ANKRD18A: variants seen among roughly 807,000 people sequenced by gnomAD.
The protein encoded by ANKRD18A is ankyrin repeat domain-containing protein 18A.
ANKRD18A carries 72 observed loss-of-function variants against 110.6 expected under a neutral mutation model. That is an observed-to-expected ratio of 0.65 (90% CI 0.54 to 0.79). ANKRD18A has a LOEUF of 0.79. ANKRD18A is among the 30% of genes least tolerant of loss of function. ANKRD18A has a pLI of 0.00. For missense variants in ANKRD18A, 934 were observed against 1,163.3 expected, an observed-to-expected ratio of 0.80 and a Z score of 2.87; for synonymous variants, 305 against 410.3, an observed-to-expected ratio of 0.74 and a Z score of 3.10.
chr9:38,609,391 G>C (rs1825498519), intron 5 of ANKRD18A, among the ~76,000 whole-genome samples: 1 of 152,082 alleles, frequency 6.6e-6, no homozygotes, highest in African/African-American at 2.4e-5. Context: ...TGAGGCAGGA[G>C]AATAGCGTGA....
In ANKRD18A at chr9:38,620,157, G is replaced by A. The variant is rs1225598833; in HGVS notation, c.129C>T (p.Ile43=). The change falls in exon 1 of 16, where the codon ATC becomes ATT. Residue 43 remains isoleucine, a synonymous_variant. Transcript: ENST00000399703. ...WELRKIHRAA[I]KGDAAEVERC... ...GCTCCACCTCCGCGGCGTCGCCCTT[G>A]ATGGCAGCCCTGTGGATCTTCCGCA... is the stretch of plus-strand genomic sequence containing the variant. 15 of 1,569,072 alleles carry A rather than the reference G, an allele frequency of 9.6e-6. No homozygotes were observed. The Admixed American group carries it at 2.8e-4, about 30-fold the overall frequency.
intron 15 of ANKRD18A, among the ~76,000 whole-genome samples, chr9:38,573,670 G>A (rs1453682953): frequency 2.6e-5 from 4 of 151,818 alleles, no homozygotes; most frequent in African/African-American, 7.3e-5. Flanking sequence ...AGCCGAGATC[G>A]TGCCACGGCA....
In ANKRD18A at chr9:38,615,972, C is replaced by T. The variant is rs1417842103; in HGVS notation, c.279G>A (p.Gln93=). 1.3e-6 allele frequency: 2 copies of T among 1,586,798 alleles called. No individual in the cohort carries two copies. The highest frequency in any genetic ancestry group is 2.7e-5 in the African/African-American group (2 of 74,582). Residue 93 remains glutamine, a synonymous_variant, in exon 2 of 16, where the codon CAG becomes CAA. Coordinates refer to ENST00000399703, the MANE Select transcript of ANKRD18A (RefSeq NM_147195.4). The part of the protein sequence containing the change: ...VVTLLLHRRC[Q]IDICDRLNRT... ...TGTTTAGTCTGTCACAGATGTCGAT[C>T]TGGCATCTTCTGTGCAGCAAGAGAG...
At chr9:38,590,053 GA>G (rs1824571627) in intron 10 of ANKRD18A, among the ~76,000 whole-genome samples, 1 of 152,096 alleles carries the variant, frequency 6.6e-6, no homozygotes, top group Non-Finnish European at 1.5e-5. Flanking sequence ...GATTCTTATG[GA>G]TGTTACTTTG....
At chr9:38,586,665 A>G (rs1824395459) in intron 11 of ANKRD18A, among the ~76,000 whole-genome samples, 1 of 152,110 alleles carries the variant, frequency 6.6e-6, no homozygotes, top group Admixed American at 6.5e-5. Flanking sequence ...CCTGGACTCA[A>G]GTGATTCTCC....
intron 12 of ANKRD18A, among the ~76,000 whole-genome samples, chr9:38,583,610 G>A (rs149043751): frequency 1.2e-4 from 19 of 152,118 alleles, no homozygotes; most frequent in East Asian, 3.9e-4. Flanking sequence ...GGATGCTCTC[G>A]AACTCCTGAC....
At position 38,575,509 on chromosome 9, in the gene ANKRD18A, C is replaced by CTG; in HGVS notation, c.2929_2930dup (p.Gln977HisfsTer11). ...AGAAGTTCTTGCAGTTATTTGAAGT[C>CTG]TGTGGGTTTGAAGTAGGAATTCTTA... is the stretch of plus-strand genomic sequence containing the variant. On this transcript the variant is annotated frameshift_variant, in exon 15 of 16. Transcript: ENST00000399703. LOFTEE classifies it high-confidence loss of function. 6.4e-7 allele frequency: 1 copy of CTG among 1,551,534 alleles called. No individual in the cohort carries two copies. Among genetic ancestry groups the CTG allele is most frequent in the Non-Finnish European group, 8.7e-7 (1 of 1,146,810 alleles).
intron 6 of ANKRD18A, among the ~76,000 whole-genome samples, chr9:38,605,276 G>A (rs1218447225): frequency 6.6e-6 from 1 of 152,142 alleles, no homozygotes; most frequent in African/African-American, 2.4e-5. Flanking sequence ...TATTATTTAA[G>A]TGGACAAGTA....
chr9:38,610,797 CAAAT>C (rs1377443884), intron 4 of ANKRD18A, among the ~76,000 whole-genome samples: 4 of 151,450 alleles, frequency 2.6e-5, no homozygotes, highest in African/African-American at 7.3e-5. Flanking sequence ...AGCTAGGGAT[CAAAT>C]AAATAAGAGC....
downstream of ANKRD18A, among the ~76,000 whole-genome samples, chr9:38,570,059 G>A (rs1479594755): frequency 1.3e-5 from 2 of 152,198 alleles, no homozygotes; most frequent in African/African-American, 2.4e-5. Flanking sequence ...GTCACACATC[G>A]GCTAACTGGC....
chr9:38,573,126 C>A, intron 15 of ANKRD18A: 1 of 1,324,662 alleles, frequency 7.5e-7, no homozygotes. Context: ...CGGTCCAGCT[C>A]CATCTAAAAT....
chr9:38,592,515 A>T (rs1159918334), intron 10 of ANKRD18A, among the ~76,000 whole-genome samples: 1 of 152,198 alleles, frequency 6.6e-6, no homozygotes, highest in Admixed American at 6.5e-5. Flanking sequence ...AGGAACTGAG[A>T]AGGCAGGAAA....
rs369170803 is a variant in ANKRD18A at position 38,612,159 on chromosome 9, G to A, written c.496-838C>T. ...TTTTCCTTATTATTAAATACTCCAT[G>A]GGATTTCTCCTAATGCAAGAGGATA... On this transcript the variant is annotated intron_variant, in intron 3 of 15. Transcript: ENST00000399703. Among the ~76,000 whole-genome samples the A allele has an allele frequency of 1.2e-4, 18 of 152,136 alleles. No homozygotes were observed. In the East Asian group the frequency reaches 3.5e-3, roughly 29 times the overall value.
intron 10 of ANKRD18A, 127 bp from the exon 11 acceptor site, chr9:38,588,790 A>C (rs557246237): frequency 8.0e-5 from 47 of 584,232 alleles, no homozygotes; most frequent in African/African-American, 7.8e-4. Context: ...CATTTTACAA[A>C]CCTGATGCCA....
chr9:38,598,636 G>A (rs984005065), intron 8 of ANKRD18A, among the ~76,000 whole-genome samples: 3 of 152,110 alleles, frequency 2.0e-5, no homozygotes, highest in Non-Finnish European at 2.9e-5. Context: ...TGCTTTTGAT[G>A]TTCTGTCATC....
intron 15 of ANKRD18A, among the ~76,000 whole-genome samples, chr9:38,575,093 C>CAAA (rs60228502): frequency 7.8e-6 from 1 of 127,430 alleles, no homozygotes; most frequent in African/African-American, 2.7e-5. Flanking sequence ...GACACCATCT[C>CAAA]AAAAAAAAAA....
At position 38,596,222 on chromosome 9, in the gene ANKRD18A, A is replaced by G. The variant is rs1004288286; in HGVS notation, c.1118T>C (p.Val373Ala). Reference sequence around the variant, plus strand: ...TGTTATCATTTTTTCATTGAGTCTTACACTCTTTTCAAAGTTAGCATTTAT... The same window carrying G: ...TGTTATCATTTTTTCATTGAGTCTTGCACTCTTTTCAAAGTTAGCATTTAT... Reference protein sequence around the residue: ...TEINANFEKSVRLNEKMITKT... With the variant: ...TEINANFEKSARLNEKMITKT... Residue 373 changes from valine to alanine, a missense_variant, in exon 9 of 16, where the codon GTA becomes GCA. Physicochemically the swap from Val to Ala is moderately conservative, Grantham distance 64. This residue lies in a region of ANKRD18A where 630 missense variants were observed against 797.5 expected (regional missense o/e 0.79). Transcript: ENST00000399703. 27 of 1,538,764 alleles carry G rather than the reference A, an allele frequency of 1.8e-5. No individual in the cohort carries two copies. The highest frequency in any genetic ancestry group is 2.8e-5 in the African/African-American group (2 of 72,068).
Position 38,575,552 on chromosome 9 carries a change from T to A in ANKRD18A, c.2888A>T (p.Tyr963Phe). 6.4e-7 allele frequency: 1 copy of A among 1,551,568 alleles called. No homozygotes were observed. Among genetic ancestry groups the A allele is most frequent in the Non-Finnish European group, 8.7e-7 (1 of 1,146,820 alleles). ...AATTCTTATGGCCGTTTTGGGAATA[T>A]ATTTTCTGTTGAGTTCTATACTATT... ...NLNSIELNRK[Y>F]IPKTAIRIPT... Residue 963 changes from tyrosine to phenylalanine, a missense_variant, in exon 15 of 16, where the codon TAT (tyrosine) becomes TTT (phenylalanine). Transcript: ENST00000399703.
intron 8 of ANKRD18A, among the ~76,000 whole-genome samples, chr9:38,598,157 C>T (rs2118797910): frequency 6.6e-6 from 1 of 152,196 alleles, no homozygotes; most frequent in Non-Finnish European, 1.5e-5. Flanking sequence ...ACTGTCTTAC[C>T]ATTTTATCAT....
Sources: gnomAD v4.1 joint callset for allele counts (sites outside exome capture counted in the v4.1 genomes callset) on GRCh38, gnomAD v4.1.1 for gene constraint, gnomAD v4.1.1 regional missense constraint, MANE v1.5 for transcripts, NCBI Gene and HGNC (gene_info 2026-07-23, HGNC 2026-07-21) for gene names.